CD247: variants seen among roughly 807,000 people sequenced by gnomAD.
CD247 encodes T-cell surface glycoprotein CD3 zeta chain.
A neutral mutation model predicts 30.0 loss-of-function variants in CD247; 13 were observed. That is an observed-to-expected ratio of 0.43 (90% CI 0.28 to 0.69). The LOEUF (loss-of-function observed/expected upper bound fraction) is 0.69. Ranked by LOEUF, CD247 falls within the 30% of genes least tolerant of loss-of-function variation. The pLI is 0.16. For synonymous variants in CD247, 72 were observed against 80.0 expected, an observed-to-expected ratio of 0.90 and a Z score of 0.53; for missense variants, 193 against 212.6, an observed-to-expected ratio of 0.91 and a Z score of 0.57.
At chr1:167,497,481 A>C (rs1412342948) in intron 1 of CD247, among the ~76,000 whole-genome samples, 1 of 152,178 alleles carries the variant, frequency 6.6e-6, no homozygotes, top group Non-Finnish European at 1.5e-5. Flanking sequence ...TCTTTCGCTT[A>C]GTTCTCGTTT....
intron 1 of CD247, among the ~76,000 whole-genome samples, chr1:167,442,716 A>G (rs528262213): frequency 1.3e-5 from 2 of 152,094 alleles, no homozygotes; most frequent in South Asian, 4.1e-4. Context: ...GGCAGCCGCC[A>G]GTGTCCCCAC....
intron 1 of CD247, among the ~76,000 whole-genome samples, chr1:167,454,238 G>A (rs1403887163): frequency 6.6e-6 from 1 of 152,050 alleles, no homozygotes; most frequent in Non-Finnish European, 1.5e-5. Context: ...ATATCTGGAG[G>A]GCCGCACACA....
chr1:167,500,770 T>A (rs764669945), intron 1 of CD247, among the ~76,000 whole-genome samples: 7 of 152,176 alleles, frequency 4.6e-5, no homozygotes, highest in Non-Finnish European at 1.0e-4. Context: ...TCACATTTGG[T>A]TTTCCATTTC....
chr1:167,436,611 A>G (rs1044162092), intron 4 of CD247, among the ~76,000 whole-genome samples: 3 of 152,246 alleles, frequency 2.0e-5, no homozygotes, highest in African/African-American at 7.2e-5. Context: ...ATCAACTGAA[A>G]ATGGATTAAA....
intron 1 of CD247, among the ~76,000 whole-genome samples, chr1:167,460,317 A>T (rs1558007987): frequency 6.6e-6 from 1 of 152,162 alleles, no homozygotes. Flanking sequence ...TGGGAGGATC[A>T]CCTGAGCCCG....
chr1:167,506,888 T>C lies in CD247; in HGVS notation c.58+11520A>G, dbSNP rs372775985. On this transcript the variant is annotated intron_variant, in intron 1 of 7. Transcript: ENST00000362089. Reference sequence around the variant, plus strand: ...TAAATATGGCTTATTGTATGTTCCCTCTGATTTTTTTTTTTTTTTTTTTTT... The same window carrying C: ...TAAATATGGCTTATTGTATGTTCCCCCTGATTTTTTTTTTTTTTTTTTTTT... 1.9e-3 allele frequency among the ~76,000 whole-genome samples: 273 copies of C among 140,046 alleles called. 1 individual carries two copies. Among genetic ancestry groups the C allele is most frequent in the African/African-American group, 5.6e-3 (210 of 37,714 alleles). The allele number at this position is 140,046 out of a possible 152,430, so 91.9% of individuals were successfully genotyped here.
intron 1 of CD247, among the ~76,000 whole-genome samples, chr1:167,505,057 A>G (rs1655059991): frequency 6.6e-6 from 1 of 152,226 alleles, no homozygotes; most frequent in Admixed American, 6.5e-5. Context: ...TTATTATAAT[A>G]TTCTCTTGCA....
intron 1 of CD247, among the ~76,000 whole-genome samples, chr1:167,492,085 T>C (rs858546): frequency 0.93 from 140,947 of 152,236 alleles, 65,389 homozygotes; most frequent in East Asian, 1. Context: ...GTACTTGACA[T>C]CACTCAACTG....
intron 1 of CD247, among the ~76,000 whole-genome samples, chr1:167,455,998 C>T (rs1571537142): frequency 1.3e-5 from 2 of 151,908 alleles, no homozygotes; most frequent in Admixed American, 6.6e-5. Context: ...AGAGGCTGGG[C>T]CTTCCCACCC....
intron 4 of CD247, among the ~76,000 whole-genome samples, chr1:167,435,807 G>C (rs956667695): frequency 6.6e-6 from 1 of 152,252 alleles, no homozygotes; most frequent in Non-Finnish European, 1.5e-5. Flanking sequence ...GGTAGTGAGT[G>C]CCTACTGAAA....
intron 1 of CD247, among the ~76,000 whole-genome samples, chr1:167,489,047 G>A (rs1484240110): frequency 6.6e-6 from 1 of 152,124 alleles, no homozygotes; most frequent in South Asian, 2.1e-4. Flanking sequence ...GCAGCGCCGA[G>A]AAGCACGTAA....
chr1:167,446,959 C>T (rs975377430), intron 1 of CD247, among the ~76,000 whole-genome samples: 1 of 152,170 alleles, frequency 6.6e-6, no homozygotes, highest in Non-Finnish European at 1.5e-5. Flanking sequence ...TACGCCACTA[C>T]ACTCCAGCCT....
At chr1:167,446,701 C>G (rs557700765) in intron 1 of CD247, among the ~76,000 whole-genome samples, 34 of 152,224 alleles carry the variant, frequency 2.2e-4, no homozygotes, top group African/African-American at 8.2e-4. Context: ...AAGATAAAAA[C>G]AGATAATGGG....
intron 1 of CD247, among the ~76,000 whole-genome samples, chr1:167,441,480 C>G (rs568498352): frequency 6.6e-6 from 1 of 152,252 alleles, no homozygotes; most frequent in East Asian, 1.9e-4. Flanking sequence ...TTCTCTGTCT[C>G]CCCTCCTCCC....
intron 1 of CD247, among the ~76,000 whole-genome samples, chr1:167,479,656 C>T (rs1653890614): frequency 6.6e-6 from 1 of 152,182 alleles, no homozygotes; most frequent in Non-Finnish European, 1.5e-5. Context: ...CACTTTCCAC[C>T]TGTGTCCCCA....
At chr1:167,454,595 T>C (rs1652540383) in intron 1 of CD247, among the ~76,000 whole-genome samples, 1 of 152,274 alleles carries the variant, frequency 6.6e-6, no homozygotes, top group Non-Finnish European at 1.5e-5. Context: ...GATAATGGTA[T>C]TTGGTGAATA....
intron 1 of CD247, among the ~76,000 whole-genome samples, chr1:167,446,990 G>A (rs1273019267): frequency 1.3e-5 from 2 of 152,036 alleles, no homozygotes; most frequent in African/African-American, 2.4e-5. Flanking sequence ...GTGGGACTCC[G>A]TCTCAAAAAA....
At chr1:167,434,352 G>A (rs1651423687) in intron 5 of CD247, 1 of 522,516 alleles carries the variant, frequency 1.9e-6, no homozygotes. Flanking sequence ...AAGATAGGAG[G>A]TGGAGTTCTA....
At chr1:167,468,660 C>T (rs1193493355) in intron 1 of CD247, among the ~76,000 whole-genome samples, 1 of 152,220 alleles carries the variant, frequency 6.6e-6, no homozygotes, top group African/African-American at 2.4e-5. Flanking sequence ...ACTCACCAGA[C>T]ACCTGGGAAG....
Sources: gnomAD v4.1 joint callset for allele counts (sites outside exome capture counted in the v4.1 genomes callset) on GRCh38, gnomAD v4.1.1 for gene constraint, MANE v1.5 for transcripts, NCBI Gene and HGNC (gene_info 2026-07-23, HGNC 2026-07-21) for gene names.